The following ZNF718 variants were observed in gnomAD, a reference collection of about 807,000 sequenced individuals.
ZNF718 encodes zinc finger protein 718.
ZNF718 carries 3 observed loss-of-function variants against 2.6 expected under a neutral mutation model. The observed-to-expected ratio is 1.16, with a 90% confidence interval of 0.53 to 3.01. The LOEUF (loss-of-function observed/expected upper bound fraction) is 3.01, where lower values mean the gene tolerates loss of function less well. Ranked by LOEUF, ZNF718 falls within the 30% of genes most tolerant of loss-of-function variation. The pLI is 0.03. For missense variants in ZNF718, 468 were observed against 230.0 expected (o/e 2.03, Z -6.69); for synonymous variants, 135 against 77.9 (o/e 1.73, Z -3.86).
intron 3 of ZNF718, among the ~76,000 whole-genome samples, chr4:173,312 C>T (rs986211424): frequency 1.6e-4 from 24 of 152,010 alleles, no homozygotes; most frequent in African/African-American, 4.6e-4. Context: ...TTATTACCTT[C>T]GTTAATACAA....
chr4:150,235 G>A (rs187081982), intron 3 of ZNF718: 1 of 152,098 alleles, frequency 6.6e-6, no homozygotes, highest in East Asian at 1.9e-4. Flanking sequence ...TTAAAAATCC[G>A]ATACTGATCT....
intron 3 of ZNF718, among the ~76,000 whole-genome samples, chr4:173,007 C>T (rs544528916): frequency 9.9e-4 from 151 of 151,836 alleles, no homozygotes; most frequent in African/African-American, 3.3e-3. Flanking sequence ...ATTGTGCCAC[C>T]GCACTGCAGC....
chr4:136,360 G>A (rs1715571770), intron 3 of ZNF718: 1 of 520,066 alleles, frequency 1.9e-6, no homozygotes, highest in Non-Finnish European at 3.8e-6. Context: ...AGATCTGTAG[G>A]CCTGCCTCCA....
At chr4:148,068 T>TA (rs1185630749) in intron 3 of ZNF718, among the ~76,000 whole-genome samples, 4 of 152,178 alleles carry the variant, frequency 2.6e-5, no homozygotes, top group African/African-American at 9.7e-5. Flanking sequence ...GATACACAGC[T>TA]AAGACTTCAG....
chr4:143,995 C>T (rs940252274), intron 3 of ZNF718, among the ~76,000 whole-genome samples: 24 of 152,254 alleles, frequency 1.6e-4, no homozygotes, highest in African/African-American at 4.3e-4. Flanking sequence ...AGGCAGGGAC[C>T]ATAAGCCCAA....
chr4:140,605 A>G (rs1417601809), intron 3 of ZNF718, among the ~76,000 whole-genome samples: 1 of 152,150 alleles, frequency 6.6e-6, no homozygotes, highest in Non-Finnish European at 1.5e-5. Context: ...AGACTGCTTT[A>G]CCCAAAATTT....
chr4:173,921 C>T (rs1333547639), intron 3 of ZNF718, among the ~76,000 whole-genome samples: 3 of 152,146 alleles, frequency 2.0e-5, no homozygotes, highest in Non-Finnish European at 4.4e-5. Context: ...CATTGATGCT[C>T]GCATTTGTTT....
At chr4:153,466 A>G (rs911746154) in intron 3 of ZNF718, among the ~76,000 whole-genome samples, 1 of 152,154 alleles carries the variant, frequency 6.6e-6, no homozygotes, top group African/African-American at 2.4e-5. Context: ...CATTGATATT[A>G]TGATAGAGAT....
At chr4:136,356 G>A in intron 3 of ZNF718, 1 of 520,160 alleles carries the variant, frequency 1.9e-6, no homozygotes, top group Admixed American at 1.9e-5. Flanking sequence ...GCCGAGATCT[G>A]TAGGCCTGCC....
At chr4:196,783 C>G (rs1470174385) in intron 3 of ZNF718, among the ~76,000 whole-genome samples, 1 of 151,980 alleles carries the variant, frequency 6.6e-6, no homozygotes, top group Non-Finnish European at 1.5e-5. Context: ...TTAGAAAGCC[C>G]TTCCCAGGAA....
intron 3 of ZNF718, 61 bp from the exon 4 acceptor site, chr4:160,851 T>C: frequency 5.8e-6 from 4 of 693,590 alleles, no homozygotes; most frequent in Non-Finnish European, 1.1e-5. Context: ...GTGCCTGGCC[T>C]GTAAAGTATA....
intron 3 of ZNF718, among the ~76,000 whole-genome samples, chr4:194,180 T>G (rs1284666057): frequency 6.6e-6 from 1 of 152,186 alleles, no homozygotes; most frequent in Non-Finnish European, 1.5e-5. Flanking sequence ...TCTTGAAGTA[T>G]TTTTCTAATG....
chr4:200,885 A>G (rs1553822684), intron 3 of ZNF718, among the ~76,000 whole-genome samples: 1 of 152,232 alleles, frequency 6.6e-6, no homozygotes, highest in Non-Finnish European at 1.5e-5. Context: ...CTTCCACAGA[A>G]CTATCATCCC....
At chr4:124,494 C>A (rs996629233), upstream of ZNF718, 1 of 797,890 alleles carries the variant, frequency 1.3e-6, no homozygotes, top group South Asian at 1.4e-5. Flanking sequence ...CATCCGGGAT[C>A]TGGCGCGGCT....
chr4:169,422 C>T (rs1263745227), intron 3 of ZNF718, among the ~76,000 whole-genome samples: 4 of 152,078 alleles, frequency 2.6e-5, no homozygotes, highest in Admixed American at 1.3e-4. Context: ...CTTTCTGTCT[C>T]GTTGATCTGT....
intron 3 of ZNF718, among the ~76,000 whole-genome samples, chr4:144,190 A>T (rs1715944877): frequency 6.6e-6 from 1 of 152,228 alleles, no homozygotes; most frequent in Non-Finnish European, 1.5e-5. Context: ...TCGGGCCCGC[A>T]CTGTGGAGTG....
intron 3 of ZNF718, among the ~76,000 whole-genome samples, chr4:137,882 G>T (rs1249015541): frequency 6.6e-6 from 1 of 152,012 alleles, no homozygotes; most frequent in Non-Finnish European, 1.5e-5. Flanking sequence ...AGAAAACATT[G>T]CCAAGACCAA....
At chr4:134,578 G>A (rs1483309385) in intron 3 of ZNF718, among the ~76,000 whole-genome samples, 5 of 152,120 alleles carry the variant, frequency 3.3e-5, no homozygotes, top group African/African-American at 1.2e-4. Context: ...GACAGTATTA[G>A]TTATTCTAAT....
Position 162,297 on chromosome 4 carries a change from G to T in ZNF718, c.*175G>T. 4.1e-6 allele frequency: 2 copies of T among 483,752 alleles called. No homozygotes were observed. Among genetic ancestry groups the T allele is most frequent in the South Asian group, 4.9e-5 (1 of 20,462 alleles). The allele number at this position is 483,752 out of a possible 1,614,324, so 30.0% of individuals were successfully genotyped here. On this transcript the variant is annotated 3_prime_UTR_variant, in exon 4 of 4. Coordinates refer to ENST00000510175, the MANE Select transcript of ZNF718 (RefSeq NM_001039127.6). ...GAAGCCATAAAAATATGAAAAATGT[G>T]GAAAAGCCTTCAAATGCTTGTCACA...
Sources: allele counts gnomAD v4.1 joint callset (sites outside exome capture counted in the v4.1 genomes callset), GRCh38; gene constraint gnomAD v4.1.1; transcripts MANE v1.5; gene names NCBI Gene and HGNC (gene_info 2026-07-23, HGNC 2026-07-21).